The following PCDH9 variants were observed in gnomAD, a reference collection of about 807,000 sequenced individuals.
PCDH9 encodes the protein protocadherin-9.
Under a neutral mutation model 70.6 loss-of-function variants are expected in PCDH9, and 24 were observed. The observed-to-expected ratio is 0.34, with a 90% CI of 0.25 to 0.48. The LOEUF (loss-of-function observed/expected upper bound fraction) is 0.48, where lower values mean the gene tolerates loss of function less well. PCDH9 is among the 20% of genes least tolerant of loss of function. PCDH9 has a pLI of 0.99. For missense variants in PCDH9, 1,281 were observed against 1,503.6 expected, an observed-to-expected ratio of 0.85 and a Z score of 2.45; for synonymous variants, 562 against 558.5, an observed-to-expected ratio of 1.01 and a Z score of -0.09.
chr13:67,218,057 T>C (rs1489218661), intron 2 of PCDH9: 1 of 152,118 alleles, frequency 6.6e-6, no homozygotes, highest in Non-Finnish European at 1.5e-5. Context: ...TAGCTAGTTG[T>C]ATTACAAAGC....
chr13:66,998,755 T>G (rs2084175249), intron 2 of PCDH9, among the ~76,000 whole-genome samples: 1 of 152,240 alleles, frequency 6.6e-6, no homozygotes, highest in South Asian at 2.1e-4. Flanking sequence ...CAGTTCAGTT[T>G]CTCATCAATC....
intron 4 of PCDH9, among the ~76,000 whole-genome samples, chr13:66,586,215 T>C (rs1241776031): frequency 6.6e-6 from 1 of 152,066 alleles, no homozygotes; most frequent in Non-Finnish European, 1.5e-5. Flanking sequence ...TAATGACAGA[T>C]TAATGACACA....
chr13:66,535,133 GATA>G (rs1274122055), intron 4 of PCDH9, among the ~76,000 whole-genome samples: 4 of 151,762 alleles, frequency 2.6e-5, no homozygotes, highest in South Asian at 2.1e-4. Flanking sequence ...TAATAAAAAT[GATA>G]ATAATAATAA....
intron 4 of PCDH9, among the ~76,000 whole-genome samples, chr13:66,626,651 T>C (rs999117785): frequency 4.6e-5 from 7 of 151,990 alleles, no homozygotes; most frequent in South Asian, 2.1e-4. Context: ...TTTTAAAAAA[T>C]GGAAGAAAAA....
intron 4 of PCDH9, among the ~76,000 whole-genome samples, chr13:66,488,626 G>A (rs1350267507): frequency 6.6e-6 from 1 of 152,060 alleles, no homozygotes; most frequent in East Asian, 1.9e-4. Context: ...AAGAATTATT[G>A]TGATCAAATA....
chr13:66,997,165 A>G (rs2084133895), intron 2 of PCDH9, among the ~76,000 whole-genome samples: 2 of 151,188 alleles, frequency 1.3e-5, no homozygotes, highest in African/African-American at 4.9e-5. Flanking sequence ...GCATTGCTAT[A>G]AACGAATACC....
At chr13:66,514,599 G>A (rs1959645686) in intron 4 of PCDH9, among the ~76,000 whole-genome samples, 1 of 152,054 alleles carries the variant, frequency 6.6e-6, no homozygotes, top group Non-Finnish European at 1.5e-5. Context: ...AAGAATTTGG[G>A]AATTCAACAC....
intron 3 of PCDH9, among the ~76,000 whole-genome samples, chr13:66,740,685 A>T (rs963783216): frequency 1.3e-5 from 2 of 151,778 alleles, no homozygotes; most frequent in Non-Finnish European, 2.9e-5. Context: ...CAGAAATACA[A>T]ACTACCATCA....
chr13:66,733,677 C>T (rs1593971829), intron 3 of PCDH9, among the ~76,000 whole-genome samples: 1 of 147,218 alleles, frequency 6.8e-6, no homozygotes, highest in Non-Finnish European at 1.5e-5. Flanking sequence ...TAAAGGTAGG[C>T]TTTTTTTTTT....
At chr13:66,940,177 C>T (rs1245255373) in intron 2 of PCDH9, among the ~76,000 whole-genome samples, 1 of 152,090 alleles carries the variant, frequency 6.6e-6, no homozygotes, top group Non-Finnish European at 1.5e-5. Flanking sequence ...CTTTTCATTC[C>T]AGTCCCATTT....
At chr13:66,917,373 C>T (rs762610871) in intron 2 of PCDH9, among the ~76,000 whole-genome samples, 1 of 151,374 alleles carries the variant, frequency 6.6e-6, no homozygotes, top group Non-Finnish European at 1.5e-5. Flanking sequence ...CTTTGAGAAG[C>T]CTGAGCCAAA....
chr13:67,014,361 G>A (rs942634455), intron 2 of PCDH9, among the ~76,000 whole-genome samples: 2 of 151,962 alleles, frequency 1.3e-5, no homozygotes, highest in South Asian at 2.1e-4. Context: ...TGCTTTCCTC[G>A]CATAATATCC....
intron 3 of PCDH9, among the ~76,000 whole-genome samples, chr13:66,841,987 G>A (rs2081123798): frequency 6.6e-6 from 1 of 152,164 alleles, no homozygotes; most frequent in Non-Finnish European, 1.5e-5. Context: ...AGCTGGAGGT[G>A]AGGATGAGGG....
At position 67,226,912 on chromosome 13, in the gene PCDH9, G is replaced by C; in HGVS notation, c.1529C>G (p.Pro510Arg). The C allele has an allele frequency of 1.2e-6, 2 of 1,614,116 alleles. No individual in the cohort carries two copies. The highest frequency in any genetic ancestry group is 1.7e-6 in the Non-Finnish European group (2 of 1,180,006). Residue 510 changes from proline to arginine, a missense_variant, in exon 2 of 5, where the codon CCG becomes CGG. Transcript: ENST00000377865. The surrounding 1 kb of genome is among the most constrained non-coding windows in gnomAD (Gnocchi z 5.0). ...GTCCAGATCAAAGAAGGAGGCATTC[G>C]GTCCAAGCTGATAAACAATGTCTGC... ...KNADIVYQLG[P>R]NASFFDLDRK...
chr13:66,871,688 G>A (rs1481756866), intron 3 of PCDH9, among the ~76,000 whole-genome samples: 3 of 151,890 alleles, frequency 2.0e-5, no homozygotes, highest in Non-Finnish European at 2.9e-5. Flanking sequence ...TACATGTATG[G>A]CACTGTCACT....
At chr13:66,333,484 G>A (rs1341921964) in intron 4 of PCDH9, among the ~76,000 whole-genome samples, 3 of 152,102 alleles carry the variant, frequency 2.0e-5, no homozygotes, top group South Asian at 4.1e-4. Flanking sequence ...TAAACAGTGG[G>A]TCCCCAAGGA....
intron 2 of PCDH9, among the ~76,000 whole-genome samples, chr13:67,096,465 C>G (rs962532687): frequency 6.6e-6 from 1 of 152,054 alleles, no homozygotes; most frequent in Non-Finnish European, 1.5e-5. Context: ...CTTTAACTTC[C>G]TCTAGATAAT....
At chr13:66,921,203 A>G (rs2082631603) in intron 2 of PCDH9, among the ~76,000 whole-genome samples, 1 of 151,266 alleles carries the variant, frequency 6.6e-6, no homozygotes, top group East Asian at 1.9e-4. Flanking sequence ...AAGATTCAAG[A>G]CAAAAGACTT....
At chr13:67,011,281 T>C (rs2084447318) in intron 2 of PCDH9, among the ~76,000 whole-genome samples, 1 of 151,894 alleles carries the variant, frequency 6.6e-6, no homozygotes, top group African/African-American at 2.4e-5. Context: ...ATATCCTGCA[T>C]TTATAGTCTA....
Sources: gnomAD v4.1 joint callset for allele counts (sites outside exome capture counted in the v4.1 genomes callset) on GRCh38, gnomAD v4.1.1 for gene constraint, Gnocchi (gnomAD v3.1) non-coding constraint, MANE v1.5 for transcripts, NCBI Gene and HGNC (gene_info 2026-07-23, HGNC 2026-07-21) for gene names.